DHX33: variants seen among roughly 807,000 people sequenced by gnomAD.
The protein encoded by DHX33 is DEAH-box helicase 33.
A neutral mutation model predicts 72.5 loss-of-function variants in DHX33; 42 were observed. The ratio of observed to expected loss-of-function variants is 0.58; its 90% CI spans 0.45 to 0.75. The LOEUF is 0.75. Among genes scored for constraint, DHX33 ranks in the 30% least tolerant of loss-of-function variants. DHX33 has a pLI of 0.00. For missense variants in DHX33, 842 were observed against 917.5 expected (o/e 0.92, Z 1.06); for synonymous variants, 358 against 366.1 (o/e 0.98, Z 0.25).
Position 5,453,870 on chromosome 17 carries a change from C to T in DHX33, c.1258G>A (p.Glu420Lys). ...DSGICYRLYT[E>K]DEFEKFDKMT... Reference sequence around the variant, plus strand: ...TTATCAAACTTCTCAAACTCGTCCTCCGTGTAGAGCCGGTAGCAGATGCCA... The same window carrying T: ...TTATCAAACTTCTCAAACTCGTCCTTCGTGTAGAGCCGGTAGCAGATGCCA... The change falls in exon 7 of 12, where the codon GAG becomes AAG. Residue 420 changes from glutamate (E) to lysine (K), a missense_variant. Coordinates refer to ENST00000225296, the MANE Select transcript of DHX33 (RefSeq NM_020162.4). 6.2e-7 allele frequency: 1 copy of T among 1,614,132 alleles called. No homozygotes were observed. Among genetic ancestry groups the T allele is most frequent in the Non-Finnish European group, 8.5e-7 (1 of 1,180,004 alleles).
intron 4 of DHX33, among the ~76,000 whole-genome samples, chr17:5,458,937 T>A (rs1904455641): frequency 6.6e-6 from 1 of 152,146 alleles, no homozygotes; most frequent in Non-Finnish European, 1.5e-5. Flanking sequence ...GTTTCTCACA[T>A]CTGCAATCCC....
chr17:5,463,483 AG>A, intron 2 of DHX33, 45 bp downstream of exon 2: 1 of 1,587,612 alleles, frequency 6.3e-7, no homozygotes, highest in Non-Finnish European at 8.6e-7. Flanking sequence ...ATGGGGAGAG[AG>A]CTGTTGAGTC....
intron 6 of DHX33, 139 bp from the exon 7 acceptor site, chr17:5,454,119 A>C (rs1434244825): frequency 1.1e-6 from 1 of 934,686 alleles, no homozygotes; most frequent in African/African-American, 1.7e-5. Flanking sequence ...AATGGACAGC[A>C]CAAAACCAGA....
intron 2 of DHX33, 134 bp from the exon 3 acceptor site, chr17:5,462,680 G>A: frequency 1.5e-6 from 1 of 658,194 alleles, no homozygotes. Flanking sequence ...TGGGAAGCAT[G>A]CAGTCTAGCT....
chr17:5,465,086 A>G (rs1243798978), intron 1 of DHX33, among the ~76,000 whole-genome samples: 2 of 152,200 alleles, frequency 1.3e-5, no homozygotes, highest in African/African-American at 2.4e-5. Context: ...GTACTTGAGT[A>G]TTTTGCATAC....
intron 6 of DHX33, among the ~76,000 whole-genome samples, chr17:5,454,745 G>A (rs930004143): frequency 1.3e-5 from 2 of 152,226 alleles, no homozygotes; most frequent in Non-Finnish European, 2.9e-5. Flanking sequence ...GGAGAAGCCA[G>A]TGCTCCTTCC....
In DHX33 at chr17:5,444,256, G is replaced by A. The variant is rs2074438; in HGVS notation, c.2073C>T (p.Tyr691=). 238,942 of 1,614,022 alleles carry A rather than the reference G, an allele frequency of 0.15. 28,028 individuals are homozygous for A. The highest frequency in any genetic ancestry group is 0.65 in the East Asian group (29,215 of 44,870). The change falls in exon 12 of 12, where the codon TAC becomes TAT. Residue 691 remains tyrosine (Y), a synonymous_variant. Coordinates refer to ENST00000225296, the MANE Select transcript of DHX33 (RefSeq NM_020162.4). The surrounding 1 kb of genome is among the most constrained non-coding windows in gnomAD (Gnocchi z 4.9). ...TCCTAAAGTACTCAGGGGCAGCCTCGTACAGCCACTGTGCATCTATGACGC... is the reference window on the plus strand; with the variant it reads ...TCCTAAAGTACTCAGGGGCAGCCTCATACAGCCACTGTGCATCTATGACGC... ...DLCVIDAQWL[Y]EAAPEYFRRK...
chr17:5,460,514 G>GTT (rs1045004509), intron 4 of DHX33, among the ~76,000 whole-genome samples: 1 of 139,862 alleles, frequency 7.1e-6, no homozygotes, highest in Non-Finnish European at 1.6e-5. Flanking sequence ...TTTTTTTTTT[G>GTT]TTTTTTTTTT....
At chr17:5,448,505 T>A (rs1392919140) in intron 11 of DHX33, among the ~76,000 whole-genome samples, 1 of 152,150 alleles carries the variant, frequency 6.6e-6, no homozygotes, top group Non-Finnish European at 1.5e-5. Context: ...AATGCAGATA[T>A]TCATACTTAA....
Position 5,455,144 on chromosome 17 carries a change from AACT to A in DHX33, c.1147+13_1147+15del. The A allele has an allele frequency of 6.3e-7, 1 of 1,598,898 alleles. No homozygotes were observed. Reference sequence around the variant, plus strand: ...ACTAGACACAGGAGAGACATTCATGAACTACAAATTCTCACCAGGGTTATACTT... The same window carrying A: ...ACTAGACACAGGAGAGACATTCATGAACAAATTCTCACCAGGGTTATACTT... On this transcript the variant is annotated intron_variant, in intron 6 of 11. Coordinates refer to ENST00000225296, the MANE Select transcript of DHX33 (RefSeq NM_020162.4).
chr17:5,447,324 C>A (rs1916694363), intron 11 of DHX33, among the ~76,000 whole-genome samples: 1 of 151,802 alleles, frequency 6.6e-6, no homozygotes, highest in Admixed American at 6.5e-5. Context: ...TCGAGACCAG[C>A]CTGGCCAACA....
rs147204614 is a variant in DHX33, at chr17:5,461,046, C to G, written c.742G>C (p.Val248Leu). The change falls in exon 4 of 12, where the codon GTC becomes CTC. Residue 248 changes from valine (V) to leucine (L), a missense_variant. Coordinates refer to ENST00000225296, the MANE Select transcript of DHX33 (RefSeq NM_020162.4). ...LFSQYFNGAPVLYLEGRQHPI... is the reference protein window; with the variant it reads ...LFSQYFNGAPLLYLEGRQHPI... Reference sequence around the variant, plus strand: ...TGCTGCCGACCCTCTAGGTAGAGGACGGGGGCGCCATTGAAATACTGAGAG... The same window carrying G: ...TGCTGCCGACCCTCTAGGTAGAGGAGGGGGGCGCCATTGAAATACTGAGAG... 70 of 1,611,894 alleles carry G rather than the reference C, an allele frequency of 4.3e-5. No homozygotes were observed. The highest frequency in any genetic ancestry group is 5.6e-5 in the Non-Finnish European group (66 of 1,178,932).
In DHX33 at chr17:5,459,193, C is replaced by T. The variant is rs188917642; in HGVS notation, c.849+1746G>A. Among the ~76,000 whole-genome samples, 403 of 152,012 alleles carry T rather than the reference C, an allele frequency of 2.7e-3. 2 individuals carry two copies. Among genetic ancestry groups the T allele is most frequent in the African/African-American group, 9.3e-3 (384 of 41,430 alleles). On this transcript the variant is annotated intron_variant, in intron 4 of 11. Coordinates refer to ENST00000225296, the MANE Select transcript of DHX33 (RefSeq NM_020162.4). ...CAGCCTGGGTGACAGAATGAGACCC[C>T]GTCTCTAAATAAGTAAATTAATTAA...
At chr17:5,460,111 T>C (rs1221141065) in intron 4 of DHX33, among the ~76,000 whole-genome samples, 1 of 151,124 alleles carries the variant, frequency 6.6e-6, no homozygotes, top group Non-Finnish European at 1.5e-5. Flanking sequence ...GCCACCTGGG[T>C]TCGCGCCATT....
rs776716116 is a variant in DHX33 at position 5,450,940 on chromosome 17, G to C, written c.1397-6C>G. On this transcript the variant is annotated splice_polypyrimidine_tract_variant and splice_region_variant and intron_variant, in intron 8 of 11. Coordinates refer to ENST00000225296, the MANE Select transcript of DHX33 (RefSeq NM_020162.4). ...AATGGCCGCCTGAATGTGATCTAAA[G>C]AAACAGAGACATAAAAAGGAGCCAA... 5 of 1,611,052 alleles carry C rather than the reference G, an allele frequency of 3.1e-6. No individual in the cohort carries two copies. The highest frequency in any genetic ancestry group is 4.2e-6 in the Non-Finnish European group (5 of 1,179,010).
rs376607303 is a variant in DHX33 at position 5,444,397 on chromosome 17, C to T, written c.1932G>A (p.Thr644=). Residue 644 remains threonine, a synonymous_variant, in exon 12 of 12, where the codon ACG becomes ACA. Transcript: ENST00000225296. This position sits in a 1 kb window ranked among gnomAD's most constrained non-coding sequence, Gnocchi z 4.9. ...GGATGGCCACTGGCTGGTGGGTGTC[C>T]GTGGTGGCATAGGTGCCATCTGGCT... ...ELQPDGTYAT[T]DTHQPVAIHP... The T allele has an allele frequency of 2.5e-5, 40 of 1,614,080 alleles. No homozygotes were observed. In the Admixed American group the frequency reaches 5.2e-4, roughly 21 times the overall value.
intron 2 of DHX33, 85 bp from the exon 3 acceptor site, chr17:5,462,631 C>T (rs1445029652): frequency 4.3e-5 from 40 of 927,028 alleles, no homozygotes; most frequent in Non-Finnish European, 6.6e-5. Context: ...CTTGCACTAC[C>T]ACAGTGAACA....
rs1227269797 is a variant in DHX33 at position 5,441,417 on chromosome 17, A to T, written c.*2788T>A. On this transcript the variant is annotated 3_prime_UTR_variant, in exon 12 of 12. Transcript: ENST00000225296. Reference sequence around the variant, plus strand: ...GCTTGGAGTGCATCTATTTACATGAAGCTGCTCACGGGAGCTGGTGATTCT... The same window carrying T: ...GCTTGGAGTGCATCTATTTACATGATGCTGCTCACGGGAGCTGGTGATTCT... The T allele has an allele frequency of 6.6e-6, 1 of 152,170 alleles. No individual in the cohort carries two copies. Among genetic ancestry groups the T allele is most frequent in the African/African-American group, 2.4e-5 (1 of 41,434 alleles). 9.4% of individuals were successfully genotyped at this position (152,170 alleles called of 1,614,324 possible).
chr17:5,457,288 A>C (rs1354266169), intron 4 of DHX33, among the ~76,000 whole-genome samples: 1 of 152,112 alleles, frequency 6.6e-6, no homozygotes, highest in Non-Finnish European at 1.5e-5. Flanking sequence ...AACCTGGGCG[A>C]CAGAGCAAGA....
Sources: allele counts gnomAD v4.1 joint callset (sites outside exome capture counted in the v4.1 genomes callset), GRCh38; gene constraint gnomAD v4.1.1; non-coding constraint Gnocchi (gnomAD v3.1); transcripts MANE v1.5; gene names NCBI Gene and HGNC (gene_info 2026-07-23, HGNC 2026-07-21).